TSPAN32: variants seen among roughly 807,000 people sequenced by gnomAD.
TSPAN32 encodes tetraspanin 32.
Under a neutral mutation model 42.7 loss-of-function variants are expected in TSPAN32, and 47 were observed. That is an observed-to-expected ratio of 1.10 (90% CI 0.87 to 1.40). The LOEUF is 1.40. TSPAN32 is among the 40% of genes most tolerant of loss of function. The pLI is 0.00. For synonymous variants in TSPAN32, 175 were observed against 175.9 expected (o/e 0.99, Z 0.04); for missense variants, 469 against 424.1 (o/e 1.11, Z -0.93).
chr11:2,316,366 C>T, intron 7 of TSPAN32, 54 bp downstream of exon 7: 1 of 1,555,526 alleles, frequency 6.4e-7, no homozygotes, highest in South Asian at 1.2e-5. Context: ...CTCAGCCTGC[C>T]CAGCCCCCGA....
chr11:2,311,232 G>A lies in TSPAN32; in HGVS notation c.354+2422G>A, dbSNP rs73406783. On this transcript the variant is annotated intron_variant, in intron 4 of 9. Transcript: ENST00000182290. ...GGTGGTGCCCTGTGGCCACAGACCC[G>A]GGCCCAGAGCTGAAAGTGGGGTGCC... Among the ~76,000 whole-genome samples, 361 of 152,256 alleles carry A rather than the reference G, an allele frequency of 2.4e-3. 3 individuals carry two copies. Among genetic ancestry groups the A allele is most frequent in the African/African-American group, 7.1e-3 (295 of 41,550 alleles).
intron 2 of TSPAN32, chr11:2,303,185 G>A: frequency 1.8e-6 from 1 of 558,320 alleles, no homozygotes; most frequent in Non-Finnish European, 3.2e-6. Flanking sequence ...CCCCACAGGA[G>A]CGTGGGCACA....
chr11:2,310,049 C>G (rs573818963), intron 4 of TSPAN32: 1 of 152,586 alleles, frequency 6.6e-6, no homozygotes, highest in African/African-American at 2.4e-5. Context: ...TGAGGACTGG[C>G]ACAGGAGTCT....
chr11:2,303,002 T>C lies in TSPAN32; in HGVS notation c.181+44T>C, dbSNP rs761225342. On this transcript the variant is annotated intron_variant, in intron 2 of 9. Coordinates refer to ENST00000182290, the MANE Select transcript of TSPAN32 (RefSeq NM_139022.3). ...TGGCTGCATCGGGAGGGGCCTCGGG[T>C]GCAAGGGTGGCTGGCACGAGCCCAG... 1.9e-6 allele frequency: 3 copies of C among 1,557,638 alleles called. No individual in the cohort carries two copies. In the South Asian group the frequency reaches 3.4e-5, roughly 18 times the overall value.
At position 2,317,807 on chromosome 11, in the gene TSPAN32, G is replaced by A. The variant is rs574168586; in HGVS notation, c.902-56G>A. On this transcript the variant is annotated intron_variant, in intron 9 of 9. Coordinates refer to ENST00000182290, the MANE Select transcript of TSPAN32 (RefSeq NM_139022.3). The surrounding 1 kb of genome is among the most constrained non-coding windows in gnomAD (Gnocchi z 6.2). ...AAGCTGCACTGGTTTTCTATGCTGC[G>A]TAAGAAGCAGCATGGATGTAAGGAC... is the stretch of plus-strand genomic sequence containing the variant. 2.3e-5 allele frequency: 37 copies of A among 1,601,752 alleles called. No homozygotes were observed. Among genetic ancestry groups the A allele is most frequent in the Middle Eastern group, 3.4e-4 (2 of 5,942 alleles).
In TSPAN32 at chr11:2,315,809, C is replaced by A. The variant is rs531164210; in HGVS notation, c.544-420C>A. 3.4e-4 allele frequency: 446 copies of A among 1,326,430 alleles called. No homozygotes were observed. In the African/African-American group the frequency reaches 6.3e-3, roughly 19 times the overall value. The allele number at this position is 1,326,430 out of a possible 1,614,324, so 82.2% of individuals were successfully genotyped here. A position where few individuals can be genotyped will look rare whatever the true frequency, so the allele number is the denominator to read the frequency against. ...TGGGACTGTGCGGGGACCCCCCTCA[C>A]ACCCCTCCACCAGCTGGCTTCCTGC... is the stretch of plus-strand genomic sequence containing the variant. On this transcript the variant is annotated intron_variant, in intron 6 of 9. Transcript: ENST00000182290.
In TSPAN32 at chr11:2,316,243, C is replaced by T; in HGVS notation, c.558C>T (p.Gly186=). 2 of 1,592,630 alleles carry T rather than the reference C, an allele frequency of 1.3e-6. No individual in the cohort carries two copies. The highest frequency in any genetic ancestry group is 1.7e-6 in the Non-Finnish European group (2 of 1,171,122). ...CCCTCTCACAGGACTGCCTTCAGGG[C>T]ATCCGGAGCTTCCTGAGGACACACC... The part of the protein sequence containing the change: ...EEAAREDCLQ[G]IRSFLRTHQQ... The change falls in exon 7 of 10, where the codon GGC becomes GGT. Residue 186 remains glycine, a synonymous_variant. Transcript: ENST00000182290.
intron 6 of TSPAN32, chr11:2,315,040 C>A: frequency 2.4e-5 from 1 of 42,336 alleles, no homozygotes; most frequent in Non-Finnish European, 5.0e-5. Flanking sequence ...AAGAAGTAGG[C>A]CAGGGTGTGG....
chr11:2,314,343 C>T (rs2133368126), intron 5 of TSPAN32, 142 bp from the exon 6 acceptor site: 1 of 714,164 alleles, frequency 1.4e-6, no homozygotes, highest in African/African-American at 1.7e-5. Flanking sequence ...CCAGCAGAAG[C>T]AGCTGCAATA....
Position 2,317,658 on chromosome 11 carries a change from T to C in TSPAN32, c.901+133T>C. ...AACAGATGCAAGGGTAAGGGGTAGC[T>C]CACCAAATCCCTCCATGGGAACGGG... On this transcript the variant is annotated intron_variant, in intron 9 of 9. Coordinates refer to ENST00000182290, the MANE Select transcript of TSPAN32 (RefSeq NM_139022.3). The surrounding 1 kb of genome is among the most constrained non-coding windows in gnomAD (Gnocchi z 6.2). 2 of 1,477,600 alleles carry C rather than the reference T, an allele frequency of 1.4e-6. No homozygotes were observed. Among genetic ancestry groups the C allele is most frequent in the Non-Finnish European group, 1.8e-6 (2 of 1,121,256 alleles). 91.5% of individuals were successfully genotyped at this position (1,477,600 alleles called of 1,614,324 possible).
Position 2,304,143 on chromosome 11 carries a change from C to G in TSPAN32, c.218C>G (p.Thr73Ser), listed in dbSNP as rs1847928183. The G allele has an allele frequency of 2.5e-6, 4 of 1,589,116 alleles. No homozygotes were observed. Among genetic ancestry groups the G allele is most frequent in the Non-Finnish European group, 3.4e-6 (4 of 1,168,056 alleles). Residue 73 changes from threonine to serine, a missense_variant, in exon 3 of 10, where the codon ACT (threonine) becomes AGT (serine). Coordinates refer to ENST00000182290, the MANE Select transcript of TSPAN32 (RefSeq NM_139022.3). This position sits in a 1 kb window ranked among gnomAD's most constrained non-coding sequence, Gnocchi z 4.8. ...GGGTTGAGCCTGGTGGGCCTCCTGA[C>G]TCTGGGAGCCGTGCTGAGCGCTGCA... ...SAGLSLVGLL[T>S]LGAVLSAAAT... is the part of the protein sequence containing the mutation.
chr11:2,302,336 T>C, intron 1 of TSPAN32, 121 bp downstream of exon 1: 1 of 1,143,036 alleles, frequency 8.7e-7, no homozygotes, highest in South Asian at 2.7e-5. Context: ...ACTGTCCCTG[T>C]CCTGCCCTTG....
intron 2 of TSPAN32, among the ~76,000 whole-genome samples, chr11:2,303,205 T>C (rs1847867671): frequency 6.6e-6 from 1 of 152,016 alleles, no homozygotes; most frequent in Non-Finnish European, 1.5e-5. Flanking sequence ...AGTGTGGGTA[T>C]ATGTCGGGCA....
chr11:2,316,573 C>A lies in TSPAN32; in HGVS notation c.628-3C>A. ...GGGGCAGCCGCGGGTGTCTCCCTCC[C>A]AGGTGTCCGCCTTGCTCTTCAGCTC... On this transcript the variant is annotated splice_polypyrimidine_tract_variant and splice_region_variant and intron_variant, in intron 7 of 9. Coordinates refer to ENST00000182290, the MANE Select transcript of TSPAN32 (RefSeq NM_139022.3). The A allele has an allele frequency of 6.3e-7, 1 of 1,593,606 alleles. No individual in the cohort carries two copies. The highest frequency in any genetic ancestry group is 1.1e-5 in the South Asian group (1 of 88,526).
At chr11:2,310,449 T>C (rs1356400258) in intron 4 of TSPAN32, among the ~76,000 whole-genome samples, 1 of 152,132 alleles carries the variant, frequency 6.6e-6, no homozygotes, top group East Asian at 1.9e-4. Context: ...CCAGCTGCCC[T>C]TCAGGGGTCA....
At chr11:2,315,276 A>G in intron 6 of TSPAN32, 3 of 1,186,646 alleles carry the variant, frequency 2.5e-6, no homozygotes, top group South Asian at 1.5e-5. Context: ...TCCAAGAAAC[A>G]GAGGGGAGGA....
rs1371960574 is a variant in TSPAN32 at position 2,317,386 on chromosome 11, C to T, written c.762C>T (p.Cys254=). Residue 254 remains cysteine, a synonymous_variant, in exon 9 of 10, where the codon TGC becomes TGT. Coordinates refer to ENST00000182290, the MANE Select transcript of TSPAN32 (RefSeq NM_139022.3). The surrounding 1 kb of genome is among the most constrained non-coding windows in gnomAD (Gnocchi z 6.2). ...RQPQEPSLLR[C]SQGGPTHCLH... ...CCCAGGAGCCCAGCCTCTTGAGATG[C>T]TCCCAGGGTGGACCCACACATTGTC... 1.3e-6 allele frequency: 2 copies of T among 1,598,560 alleles called. No homozygotes were observed. The highest frequency in any genetic ancestry group is 1.3e-5 in the African/African-American group (1 of 74,562).
intron 3 of TSPAN32, among the ~76,000 whole-genome samples, chr11:2,306,553 GA>G (rs1554938995): frequency 1.4e-5 from 2 of 139,754 alleles, no homozygotes; most frequent in Non-Finnish European, 3.0e-5. Context: ...GGGAGAGAGA[GA>G]AAGAGAGAAA....
intron 3 of TSPAN32, chr11:2,306,804 G>A (rs1589800156): frequency 1.2e-5 from 1 of 86,024 alleles, no homozygotes; most frequent in African/African-American, 4.2e-5. Flanking sequence ...AGGAAAAGGA[G>A]GGAAAAGGGG....
Sources: allele counts gnomAD v4.1 joint callset (sites outside exome capture counted in the v4.1 genomes callset), GRCh38; gene constraint gnomAD v4.1.1; non-coding constraint Gnocchi (gnomAD v3.1); transcripts MANE v1.5; gene names NCBI Gene and HGNC (gene_info 2026-07-23, HGNC 2026-07-21).